The following RBMS3 variants were observed in gnomAD, a reference collection of about 807,000 sequenced individuals.
RBMS3 encodes the protein RNA binding motif single stranded interacting protein 3.
In RBMS3, 27 loss-of-function variants were observed where a neutral mutation model predicts 66.8. That is an observed-to-expected ratio of 0.40 (90% CI 0.30 to 0.56). The LOEUF is 0.56. Among genes scored for constraint, RBMS3 ranks in the 20% least tolerant of loss-of-function variants. The pLI is 0.40. For synonymous variants in RBMS3, 188 were observed against 183.0 expected (o/e 1.03, Z -0.22); for missense variants, 513 against 549.5 (o/e 0.93, Z 0.66).
At chr3:29,813,859 A>C (rs1403411950) in intron 6 of RBMS3, among the ~76,000 whole-genome samples, 1 of 152,232 alleles carries the variant, frequency 6.6e-6, no homozygotes, top group Admixed American at 6.5e-5. Context: ...GAATTTGCTT[A>C]TCCGCTTAAG....
intron 12 of RBMS3, among the ~76,000 whole-genome samples, chr3:29,947,173 A>G (rs1161848084): frequency 6.6e-6 from 1 of 151,578 alleles, no homozygotes; most frequent in Admixed American, 6.6e-5. Flanking sequence ...AAGATTTTGG[A>G]TAATGAACTA....
At chr3:29,982,818 G>T (rs1698085291) in intron 12 of RBMS3, among the ~76,000 whole-genome samples, 1 of 150,010 alleles carries the variant, frequency 6.7e-6, no homozygotes, top group African/African-American at 2.4e-5. Flanking sequence ...TTGCTGAGGA[G>T]TGTTCCAATT....
intron 6 of RBMS3, among the ~76,000 whole-genome samples, chr3:29,776,788 C>T (rs2056442446): frequency 6.6e-6 from 1 of 151,954 alleles, no homozygotes; most frequent in Non-Finnish European, 1.5e-5. Context: ...AGGTACACAT[C>T]CTTTGCAACT....
intron 1 of RBMS3, among the ~76,000 whole-genome samples, chr3:29,342,934 T>G (rs2036361559): frequency 6.6e-6 from 1 of 152,178 alleles, no homozygotes; most frequent in South Asian, 2.1e-4. Flanking sequence ...GAGTAGAGAC[T>G]GAAATTCTAC....
chr3:29,828,977 ACTTTCTTTCTTT>A (rs368382303), intron 6 of RBMS3, among the ~76,000 whole-genome samples: 10,855 of 98,112 alleles, frequency 0.11, 570 homozygotes, highest in South Asian at 0.16. Flanking sequence ...TTAGCGAGTG[ACTTTCTTTCTTT>A]CTTTCTTTCT....
At position 30,005,369 on chromosome 3, in the gene RBMS3, C is replaced by G. The variant is rs1699779703; in HGVS notation, c.*1507C>G. On this transcript the variant is annotated 3_prime_UTR_variant, in exon 15 of 15. Coordinates refer to ENST00000383767, the MANE Select transcript of RBMS3 (RefSeq NM_001003793.3). ...TTCTGTGAGCTTTTCTGGTTTCTCA[C>G]TAGCTGTCTTGAATAGTGAAACCTG... 1 of 151,800 alleles carries G rather than the reference C, an allele frequency of 6.6e-6. No homozygotes were observed. Among genetic ancestry groups the G allele is most frequent in the African/African-American group, 2.4e-5 (1 of 41,396 alleles). The allele number at this position is 151,800 out of a possible 1,614,324, so 9.4% of individuals were successfully genotyped here. A position where few individuals can be genotyped will look rare whatever the true frequency, so the allele number is the denominator to read the frequency against.
At chr3:29,836,781 C>CTA (rs34553455) in intron 6 of RBMS3, among the ~76,000 whole-genome samples, 35,355 of 145,542 alleles carry the variant, frequency 0.24, 4,217 homozygotes, top group Non-Finnish European at 0.28. Flanking sequence ...AACCATTTCA[C>CTA]TATATATATA....
intron 1 of RBMS3, among the ~76,000 whole-genome samples, chr3:29,406,703 A>T (rs985904472): frequency 3.3e-5 from 5 of 152,240 alleles, no homozygotes; most frequent in Non-Finnish European, 7.3e-5. Context: ...GTTAAAAAAT[A>T]CAAGTTTATA....
intron 4 of RBMS3, among the ~76,000 whole-genome samples, chr3:29,665,242 T>C (rs2149236895): frequency 6.6e-6 from 1 of 152,330 alleles, no homozygotes; most frequent in Admixed American, 6.5e-5. Context: ...ACTGTTACTT[T>C]TTAAACATGA....
At chr3:29,593,503 T>C (rs1374876927) in intron 4 of RBMS3, among the ~76,000 whole-genome samples, 1 of 149,878 alleles carries the variant, frequency 6.7e-6, no homozygotes, top group Non-Finnish European at 1.5e-5. Context: ...CGAGAGTTGT[T>C]TCCTGAGACT....
At chr3:29,717,649 A>C (rs1232696829) in intron 4 of RBMS3, among the ~76,000 whole-genome samples, 1 of 152,146 alleles carries the variant, frequency 6.6e-6, no homozygotes, top group African/African-American at 2.4e-5. Context: ...GTGTACAGTA[A>C]TGAAGCCGTT....
chr3:29,737,175 C>T (rs954868316), intron 4 of RBMS3, among the ~76,000 whole-genome samples: 5 of 152,080 alleles, frequency 3.3e-5, no homozygotes, highest in African/African-American at 4.8e-5. Context: ...TGGGGTTTCA[C>T]CATGTTAGCC....
At chr3:29,627,300 GTC>G (rs111643715) in intron 4 of RBMS3, among the ~76,000 whole-genome samples, 11 of 146,694 alleles carry the variant, frequency 7.5e-5, no homozygotes, top group African/African-American at 7.5e-5. Context: ...CTCTCTCTCT[GTC>G]TCTCTCTCTC....
chr3:29,783,811 A>C (rs1458551353), intron 6 of RBMS3, among the ~76,000 whole-genome samples: 1 of 152,112 alleles, frequency 6.6e-6, no homozygotes, highest in African/African-American at 2.4e-5. Flanking sequence ...CTCATCTAAC[A>C]TATAAGGCCT....
intron 4 of RBMS3, among the ~76,000 whole-genome samples, chr3:29,590,997 G>A (rs2047714595): frequency 6.6e-6 from 1 of 152,104 alleles, no homozygotes; most frequent in Non-Finnish European, 1.5e-5. Flanking sequence ...TCCTTTTAAA[G>A]GTTTTTCCAG....
In RBMS3 at chr3:29,554,686, C is replaced by T. The variant is rs184119715; in HGVS notation, c.308-32428C>T. ...AGACAAGGAAAAAGGATGATCAGGGCATTTTGAGCTAAAATAAAAGTAACA... is the reference window on the plus strand; with the variant it reads ...AGACAAGGAAAAAGGATGATCAGGGTATTTTGAGCTAAAATAAAAGTAACA... On this transcript the variant is annotated intron_variant, in intron 3 of 14. Transcript: ENST00000383767. Among the ~76,000 whole-genome samples the T allele has an allele frequency of 2.7e-3, 415 of 152,130 alleles. 1 individual carries two copies. The highest frequency in any genetic ancestry group is 9.7e-3 in the African/African-American group (402 of 41,510).
chr3:29,432,008 G>A (rs377418433), intron 1 of RBMS3, among the ~76,000 whole-genome samples: 1 of 152,228 alleles, frequency 6.6e-6, no homozygotes, highest in Non-Finnish European at 1.5e-5. Context: ...GATTACAGGC[G>A]TGAACCATAG....
chr3:29,443,486 A>G (rs765718220), intron 2 of RBMS3, among the ~76,000 whole-genome samples: 7 of 152,164 alleles, frequency 4.6e-5, no homozygotes, highest in Non-Finnish European at 1.0e-4. Context: ...CTAGGAGGTT[A>G]CTCTAGACTA....
chr3:29,579,941 G>A (rs1228837082), intron 3 of RBMS3, among the ~76,000 whole-genome samples: 2 of 152,144 alleles, frequency 1.3e-5, no homozygotes, highest in Non-Finnish European at 2.9e-5. Context: ...ACTTTATTCA[G>A]TATAAAGAAG....
Sources: allele counts gnomAD v4.1 joint callset (sites outside exome capture counted in the v4.1 genomes callset), GRCh38; gene constraint gnomAD v4.1.1; transcripts MANE v1.5; gene names NCBI Gene and HGNC (gene_info 2026-07-23, HGNC 2026-07-21).